The following KCNIP3 variants were observed in gnomAD, a reference collection of about 807,000 sequenced individuals.
KCNIP3 encodes the protein potassium voltage-gated channel interacting protein 3.
In KCNIP3, 28 loss-of-function variants were observed where a neutral mutation model predicts 35.0. That is an observed-to-expected ratio of 0.80 (90% CI 0.59 to 1.10). KCNIP3 has a LOEUF of 1.10. Ranked by LOEUF, KCNIP3 falls within the 50% of genes least tolerant of loss-of-function variation. The pLI, the probability that KCNIP3 is intolerant of heterozygous loss-of-function variation, is 0.00. For synonymous variants in KCNIP3, 134 were observed against 133.8 expected (o/e 1.00, Z -0.01); for missense variants, 295 against 338.4 (o/e 0.87, Z 1.01).
chr2:95,371,867 C>T (rs1238213515), intron 2 of KCNIP3, among the ~76,000 whole-genome samples: 3 of 149,066 alleles, frequency 2.0e-5, no homozygotes, highest in Non-Finnish European at 4.4e-5. Flanking sequence ...TGTAATGGCG[C>T]GATCTTGGCT....
At chr2:95,314,525 C>T (rs1331979360) in intron 2 of KCNIP3, among the ~76,000 whole-genome samples, 1 of 152,154 alleles carries the variant, frequency 6.6e-6, no homozygotes. Context: ...TGCTAGAAGC[C>T]CCCACTGACT....
At chr2:95,374,825 G>T in intron 3 of KCNIP3, 23 bp from the exon 4 acceptor site, 1 of 1,612,158 alleles carries the variant, frequency 6.2e-7, no homozygotes. Context: ...GCCGAGGGCT[G>T]AGGGGGTGCC....
intron 2 of KCNIP3, among the ~76,000 whole-genome samples, chr2:95,351,941 C>T (rs1261522457): frequency 6.6e-6 from 1 of 152,140 alleles, no homozygotes; most frequent in Admixed American, 6.5e-5. Flanking sequence ...GGATATAGCA[C>T]TGTGAGACTG....
intron 2 of KCNIP3, among the ~76,000 whole-genome samples, chr2:95,350,215 C>T (rs1206629885): frequency 2.0e-5 from 3 of 152,180 alleles, no homozygotes; most frequent in Non-Finnish European, 4.4e-5. Context: ...CCTTGTCCCT[C>T]TGTGTCTCCT....
At chr2:95,375,790 T>C (rs1670205113) in intron 5 of KCNIP3, among the ~76,000 whole-genome samples, 1 of 151,920 alleles carries the variant, frequency 6.6e-6, no homozygotes, top group South Asian at 2.1e-4. Context: ...CCACACAGGA[T>C]CATTGGAGAG....
intron 2 of KCNIP3, among the ~76,000 whole-genome samples, chr2:95,360,133 C>T (rs1679755792): frequency 6.6e-6 from 1 of 150,964 alleles, no homozygotes; most frequent in African/African-American, 2.4e-5. Flanking sequence ...CCCAGTTCAT[C>T]ACTCTTAAAT....
intron 2 of KCNIP3, among the ~76,000 whole-genome samples, chr2:95,366,040 A>G (rs1679909048): frequency 6.6e-6 from 1 of 152,110 alleles, no homozygotes; most frequent in African/African-American, 2.4e-5. Flanking sequence ...GGAGTGCAGT[A>G]GTGTGATCCT....
At chr2:95,304,537 C>G (rs1041338884) in intron 1 of KCNIP3, among the ~76,000 whole-genome samples, 1 of 152,102 alleles carries the variant, frequency 6.6e-6, no homozygotes, top group East Asian at 1.9e-4. Context: ...GCCAAAGCCC[C>G]CAGGACGCAG....
intron 2 of KCNIP3, among the ~76,000 whole-genome samples, chr2:95,335,699 A>G (rs1215210111): frequency 1.3e-5 from 2 of 152,084 alleles, no homozygotes; most frequent in African/African-American, 4.8e-5. Context: ...TTCTATTGTT[A>G]TTTCTTTAAA....
intron 1 of KCNIP3, among the ~76,000 whole-genome samples, chr2:95,301,079 C>G (rs949314610): frequency 6.6e-6 from 1 of 152,186 alleles, no homozygotes; most frequent in Non-Finnish European, 1.5e-5. Context: ...GTGCCCAGCT[C>G]TGTCGTGGGA....
intron 2 of KCNIP3, among the ~76,000 whole-genome samples, chr2:95,321,267 C>T (rs1009667690): frequency 6.6e-6 from 1 of 152,182 alleles, no homozygotes; most frequent in African/African-American, 2.4e-5. Flanking sequence ...ATCTCTCGTG[C>T]TGTTCCTGGC....
chr2:95,353,059 A>C (rs1167082978), intron 2 of KCNIP3, among the ~76,000 whole-genome samples: 1 of 152,352 alleles, frequency 6.6e-6, no homozygotes, highest in Non-Finnish European at 1.5e-5. Context: ...GTTAGCGAGC[A>C]AACACTGAGA....
At chr2:95,300,562 C>CAGGA in intron 1 of KCNIP3, among the ~76,000 whole-genome samples, 1 of 152,308 alleles carries the variant, frequency 6.6e-6, no homozygotes, top group African/African-American at 2.4e-5. Context: ...CTGGGGCAGG[C>CAGGA]AGGAGCCTGA....
intron 2 of KCNIP3, among the ~76,000 whole-genome samples, chr2:95,338,641 T>C (rs1051108409): frequency 2.0e-5 from 3 of 152,102 alleles, no homozygotes; most frequent in African/African-American, 4.8e-5. Context: ...TCGCCCCCAA[T>C]GAAATTAGAC....
At chr2:95,319,903 A>C (rs1359465146) in intron 2 of KCNIP3, among the ~76,000 whole-genome samples, 1 of 152,156 alleles carries the variant, frequency 6.6e-6, no homozygotes, top group African/African-American at 2.4e-5. Context: ...GGCTGCTCCC[A>C]AGGTGGCCGT....
intron 2 of KCNIP3, among the ~76,000 whole-genome samples, chr2:95,332,430 A>G (rs1298357006): frequency 6.6e-6 from 1 of 152,274 alleles, no homozygotes; most frequent in Non-Finnish European, 1.5e-5. Flanking sequence ...CCTGGCCAAC[A>G]TGGCGGAACG....
intron 2 of KCNIP3, among the ~76,000 whole-genome samples, chr2:95,353,644 G>A (rs1198166570): frequency 6.6e-6 from 1 of 152,156 alleles, no homozygotes; most frequent in East Asian, 1.9e-4. Flanking sequence ...AGTTGAAAGA[G>A]GAACTCAGAT....
intron 2 of KCNIP3, among the ~76,000 whole-genome samples, chr2:95,315,037 A>G (rs1678418009): frequency 2.6e-5 from 4 of 152,072 alleles, no homozygotes; most frequent in Admixed American, 2.6e-4. Context: ...CGGGGACGGG[A>G]GCCTGTGAGC....
At chr2:95,314,602 T>C (rs908129612) in intron 2 of KCNIP3, among the ~76,000 whole-genome samples, 2 of 152,228 alleles carry the variant, frequency 1.3e-5, no homozygotes, top group Non-Finnish European at 2.9e-5. Context: ...AGCAGAGTCC[T>C]CCCTGCTCCC....
Sources: gnomAD v4.1 joint callset for allele counts (sites outside exome capture counted in the v4.1 genomes callset) on GRCh38, gnomAD v4.1.1 for gene constraint, MANE v1.5 for transcripts, NCBI Gene and HGNC (gene_info 2026-07-23, HGNC 2026-07-21) for gene names.